The following RPF2 variants were observed in gnomAD, a reference collection of about 807,000 sequenced individuals.
RPF2 encodes ribosome production factor 2 homolog.
A neutral mutation model predicts 38.9 loss-of-function variants in RPF2; 21 were observed. That is an observed-to-expected ratio of 0.54 (90% confidence interval 0.38 to 0.78). The LOEUF (loss-of-function observed/expected upper bound fraction) is 0.78, where lower values mean the gene tolerates loss of function less well. Ranked by LOEUF, RPF2 falls within the 30% of genes least tolerant of loss-of-function variation. The pLI is 0.00. For missense variants in RPF2, 314 were observed against 358.1 expected, an observed-to-expected ratio of 0.88 and a Z score of 0.99; for synonymous variants, 121 against 126.2, an observed-to-expected ratio of 0.96 and a Z score of 0.28.
Position 111,025,455 on chromosome 6 carries a change from G to C in RPF2, c.794G>C (p.Arg265Thr). 6.2e-7 allele frequency: 1 copy of C among 1,612,344 alleles called. No individual in the cohort carries two copies. The highest frequency in any genetic ancestry group is 8.5e-7 in the Non-Finnish European group (1 of 1,179,046). The change falls in exon 10 of 10, where the codon AGG becomes ACG. Residue 265 changes from arginine (R) to threonine (T), a missense_variant. Physicochemically the swap from Arg to Thr is moderately conservative, Grantham distance 71. Coordinates refer to ENST00000441448, the MANE Select transcript of RPF2 (RefSeq NM_032194.3). ...GATACTTTTGGTACAACTTATGGAA[G>C]GATTCATATGCAGAAGCAAGACCTA... ...SHDTFGTTYGRIHMQKQDLSK... is the reference protein window; with the variant it reads ...SHDTFGTTYGTIHMQKQDLSK...
At chr6:111,002,357 T>C (rs760313846) in intron 6 of RPF2, among the ~76,000 whole-genome samples, 2 of 152,198 alleles carry the variant, frequency 1.3e-5, no homozygotes, top group Non-Finnish European at 2.9e-5. Flanking sequence ...TTTTGTTTTT[T>C]AGAGACAAGG....
intron 2 of RPF2, 117 bp downstream of exon 2, chr6:110,985,255 A>G: frequency 2.4e-6 from 2 of 830,374 alleles, no homozygotes; most frequent in Non-Finnish European, 3.7e-6. Context: ...AAGAACTACT[A>G]GTCTTAGAGA....
At position 111,000,132 on chromosome 6, in the gene RPF2, G is replaced by A. The variant is rs560065354; in HGVS notation, c.393+345G>A. On this transcript the variant is annotated intron_variant, in intron 6 of 9. Transcript: ENST00000441448. ...TTTTGTTTTATTTTTTTGAGACAGG[G>A]TCTCACTCTGTCACCCAGGCTGGAG... Among the ~76,000 whole-genome samples, 23 of 151,842 alleles carry A rather than the reference G, an allele frequency of 1.5e-4. 1 individual carries two copies. The South Asian group carries it at 4.4e-3, about 29-fold the overall frequency.
At position 110,992,493 on chromosome 6, in the gene RPF2, G is replaced by A. The variant is rs1258427363; in HGVS notation, c.234+707G>A. Among the ~76,000 whole-genome samples the A allele has an allele frequency of 2.0e-5, 3 of 150,442 alleles. No individual in the cohort carries two copies. The East Asian group carries it at 5.8e-4, about 29-fold the overall frequency. ...GGGTCTTGGTATGTTGCCCAGGCTG[G>A]TCTCAAACTCCTGAGCTCAAGCAAT... On this transcript the variant is annotated intron_variant, in intron 4 of 9. Transcript: ENST00000441448.
chr6:111,000,287 A>G (rs1008844523), intron 6 of RPF2, among the ~76,000 whole-genome samples: 37 of 151,856 alleles, frequency 2.4e-4, no homozygotes, highest in African/African-American at 8.5e-4. Flanking sequence ...TTGTATTTTT[A>G]TTGTAGAGAC....
At chr6:111,006,325 CTTG>C (rs1771907606) in intron 6 of RPF2, among the ~76,000 whole-genome samples, 4 of 151,974 alleles carry the variant, frequency 2.6e-5, no homozygotes, top group Admixed American at 2.6e-4. Flanking sequence ...ACCTCTGTCT[CTTG>C]GGTTCAAACG....
At chr6:111,022,732 A>G (rs1333926925) in intron 8 of RPF2, among the ~76,000 whole-genome samples, 1 of 152,258 alleles carries the variant, frequency 6.6e-6, no homozygotes, top group African/African-American at 2.4e-5. Context: ...TCAGTTAATT[A>G]AAAGGTGCTT....
intron 5 of RPF2, among the ~76,000 whole-genome samples, chr6:110,997,891 C>G (rs1046714128): frequency 2.0e-5 from 3 of 147,968 alleles, no homozygotes; most frequent in Non-Finnish European, 4.5e-5. Context: ...CTTGATTTTT[C>G]TTTTCTTCTT....
At chr6:111,004,033 A>G (rs9400452) in intron 6 of RPF2, among the ~76,000 whole-genome samples, 19,597 of 151,820 alleles carry the variant, frequency 0.13, 1,735 homozygotes, top group East Asian at 0.49. Flanking sequence ...GGCTAGTCTC[A>G]AACTCCTGAC....
chr6:111,017,497 G>A (rs1197715230), intron 8 of RPF2, among the ~76,000 whole-genome samples: 9 of 151,674 alleles, frequency 5.9e-5, no homozygotes, highest in African/African-American at 2.2e-4. Flanking sequence ...CTTCTCAGAT[G>A]GGGCGGCTGC....
chr6:110,999,413 G>A (rs1367096217), intron 5 of RPF2, among the ~76,000 whole-genome samples: 1 of 152,130 alleles, frequency 6.6e-6, no homozygotes, highest in Non-Finnish European at 1.5e-5. Context: ...TCAGTGTATT[G>A]AGATTGAGCC....
In RPF2 at chr6:111,027,809, T is replaced by C. The variant is rs909426820; in HGVS notation, c.*2227T>C. ...CTGATAGAAGTACCAAATAGTATTATTGAAGTCTAACAAAGACTTTTTGTT... is the reference window on the plus strand; with the variant it reads ...CTGATAGAAGTACCAAATAGTATTACTGAAGTCTAACAAAGACTTTTTGTT... On this transcript the variant is annotated 3_prime_UTR_variant, in exon 10 of 10. Coordinates refer to ENST00000441448, the MANE Select transcript of RPF2 (RefSeq NM_032194.3). 6 of 152,246 alleles carry C rather than the reference T, an allele frequency of 3.9e-5. No individual in the cohort carries two copies. Among genetic ancestry groups the C allele is most frequent in the African/African-American group, 1.4e-4 (6 of 41,464 alleles). 9.4% of individuals were successfully genotyped at this position (152,246 alleles called of 1,614,324 possible).
At chr6:111,009,713 G>T (rs1372307918) in intron 7 of RPF2, among the ~76,000 whole-genome samples, 1 of 152,026 alleles carries the variant, frequency 6.6e-6, no homozygotes, top group Non-Finnish European at 1.5e-5. Context: ...GTGTTCTGAT[G>T]CCCAGGCTGG....
At chr6:111,004,271 C>G (rs1176434494) in intron 6 of RPF2, among the ~76,000 whole-genome samples, 1 of 152,028 alleles carries the variant, frequency 6.6e-6, no homozygotes, top group Non-Finnish European at 1.5e-5. Flanking sequence ...CAACCTCCGC[C>G]TCCTGGGTTC....
chr6:110,992,952 T>C (rs1400294752), intron 4 of RPF2, among the ~76,000 whole-genome samples: 1 of 152,154 alleles, frequency 6.6e-6, no homozygotes, highest in Non-Finnish European at 1.5e-5. Flanking sequence ...ATGATTATGT[T>C]TTCTTGATAG....
At chr6:111,007,947 A>C in intron 6 of RPF2, 91 bp from the exon 7 acceptor site, 1 of 1,265,984 alleles carries the variant, frequency 7.9e-7, no homozygotes. Flanking sequence ...ACTCCATCTC[A>C]AAAAAAATAA....
At chr6:111,017,963 C>A (rs1772158942) in intron 8 of RPF2, among the ~76,000 whole-genome samples, 1 of 152,182 alleles carries the variant, frequency 6.6e-6, no homozygotes, top group South Asian at 2.1e-4. Flanking sequence ...GCAATCCCGG[C>A]ACCTCTGGAG....
chr6:110,987,223 A>G (rs1270235276), intron 2 of RPF2, among the ~76,000 whole-genome samples: 1 of 151,776 alleles, frequency 6.6e-6, no homozygotes, highest in Non-Finnish European at 1.5e-5. Context: ...CACCCAGCTA[A>G]TTTCTGTGTT....
intron 6 of RPF2, among the ~76,000 whole-genome samples, chr6:111,001,412 CT>C (rs2114316758): frequency 6.6e-6 from 1 of 151,718 alleles, no homozygotes; most frequent in East Asian, 1.9e-4. Context: ...GGGTCTTGCT[CT>C]GTCACCCAGG....
Sources: gnomAD v4.1 joint callset for allele counts (sites outside exome capture counted in the v4.1 genomes callset) on GRCh38, gnomAD v4.1.1 for gene constraint, MANE v1.5 for transcripts, NCBI Gene and HGNC (gene_info 2026-07-23, HGNC 2026-07-21) for gene names.